The following ACSL1 variants were observed in gnomAD, a reference collection of about 807,000 sequenced individuals.
The protein encoded by ACSL1 is long-chain-fatty-acid--CoA ligase 1.
A neutral mutation model predicts 98.4 loss-of-function variants in ACSL1; 41 were observed. The ratio of observed to expected loss-of-function variants is 0.42; its 90% CI spans 0.32 to 0.54. The LOEUF is 0.54. Ranked by LOEUF, ACSL1 falls within the 20% of genes least tolerant of loss-of-function variation. The pLI is 0.13. For missense variants in ACSL1, 734 were observed against 883.1 expected (o/e 0.83, Z 2.14); for synonymous variants, 316 against 322.7 (o/e 0.98, Z 0.22).
chr4:184,759,671 A>C (rs571449743), intron 18 of ACSL1, among the ~76,000 whole-genome samples: 1 of 152,138 alleles, frequency 6.6e-6, no homozygotes, highest in Non-Finnish European at 1.5e-5. Flanking sequence ...AATCATTAAA[A>C]AGTCAGGAAA....
chr4:184,773,540 A>T lies in ACSL1; in HGVS notation c.841+123T>A. ...AGAGCAACAAGAAGACAGCACTTGAACCGCTTCCTTCTCTTCTGCTTTTGG... is the reference window on the plus strand; with the variant it reads ...AGAGCAACAAGAAGACAGCACTTGATCCGCTTCCTTCTCTTCTGCTTTTGG... On this transcript the variant is annotated intron_variant, in intron 9 of 20. Transcript: ENST00000281455. The surrounding 1 kb of genome is among the most constrained non-coding windows in gnomAD (Gnocchi z 4.3). The T allele has an allele frequency of 1.1e-6, 1 of 902,746 alleles. No individual in the cohort carries two copies. The highest frequency in any genetic ancestry group is 1.7e-6 in the Non-Finnish European group (1 of 592,126). 55.9% of individuals were successfully genotyped at this position (902,746 alleles called of 1,614,324 possible). A position where few individuals can be genotyped will look rare whatever the true frequency, so the allele number is the denominator to read the frequency against.
At chr4:184,811,405 C>CCAGTCATGCGTCTCAATTGTTCT (rs1772102865) in intron 1 of ACSL1, among the ~76,000 whole-genome samples, 3 of 152,114 alleles carry the variant, frequency 2.0e-5, no homozygotes, top group Non-Finnish European at 4.4e-5. Flanking sequence ...AGCCACCGCG[C>CCAGTCATGCGTCTCAATTGTTCT]CCAGCTGCAC....
intron 1 of ACSL1, among the ~76,000 whole-genome samples, chr4:184,805,987 C>A (rs555740097): frequency 2.0e-5 from 3 of 152,172 alleles, no homozygotes; most frequent in African/African-American, 7.2e-5. Flanking sequence ...AAGAAAGAAA[C>A]AGATTGCCCA....
rs886709015 is a variant in ACSL1, at chr4:184,803,589, G to C, written c.-32-43C>G. 2.2e-6 allele frequency: 3 copies of C among 1,341,164 alleles called. No individual in the cohort carries two copies. The African/African-American group carries it at 4.5e-5, about 20-fold the overall frequency. The allele number at this position is 1,341,164 out of a possible 1,614,324, so 83.1% of individuals were successfully genotyped here. A position where few individuals can be genotyped will look rare whatever the true frequency, so the allele number is the denominator to read the frequency against. The stretch of plus-strand genomic sequence containing the variant: ...TGTCACGTTCGTTCCAGGGAAGCAG[G>C]ACCCCTCTCCAGAACTCCAAAATTC... On this transcript the variant is annotated intron_variant, in intron 1 of 20. Coordinates refer to ENST00000281455, the MANE Select transcript of ACSL1 (RefSeq NM_001995.5). The surrounding 1 kb of genome is among the most constrained non-coding windows in gnomAD (Gnocchi z 4.8).
intron 7 of ACSL1, among the ~76,000 whole-genome samples, chr4:184,774,728 A>G (rs1169682517): frequency 6.6e-6 from 1 of 152,176 alleles, no homozygotes; most frequent in Non-Finnish European, 1.5e-5. Context: ...GCCATTGAAC[A>G]TGTTCAATTC....
chr4:184,815,100 T>TA (rs1561248226), intron 1 of ACSL1: 1 of 456,100 alleles, frequency 2.2e-6, no homozygotes, highest in East Asian at 6.9e-5. Context: ...CCACGGCAGG[T>TA]AGGGCCCTGG....
chr4:184,820,516 G>A (rs1772983078), intron 1 of ACSL1, among the ~76,000 whole-genome samples: 1 of 152,226 alleles, frequency 6.6e-6, no homozygotes, highest in Non-Finnish European at 1.5e-5. Context: ...GAGTGTAAAT[G>A]AGATGGGGGT....
intron 1 of ACSL1, among the ~76,000 whole-genome samples, chr4:184,819,558 A>C (rs1185990301): frequency 6.6e-6 from 1 of 152,112 alleles, no homozygotes; most frequent in Non-Finnish European, 1.5e-5. Context: ...GGACACAGGA[A>C]GGTCAGTCAG....
chr4:184,825,506 G>C lies in ACSL1; in HGVS notation c.-33+410C>G, dbSNP rs573004342. Among the ~76,000 whole-genome samples, 3 of 151,938 alleles carry C rather than the reference G, an allele frequency of 2.0e-5. No individual in the cohort carries two copies. The East Asian group carries it at 5.8e-4, about 30-fold the overall frequency. On this transcript the variant is annotated intron_variant, in intron 1 of 20. Coordinates refer to ENST00000281455, the MANE Select transcript of ACSL1 (RefSeq NM_001995.5). The surrounding 1 kb of genome is among the most constrained non-coding windows in gnomAD (Gnocchi z 4.7). ...GCGAGCCCGGCCTCTGGGCAGGCGG[G>C]GGCCGCGGACGAGGGCAACGTCAGC...
At chr4:184,775,180 G>A (rs888535551) in intron 7 of ACSL1, among the ~76,000 whole-genome samples, 6 of 152,032 alleles carry the variant, frequency 3.9e-5, no homozygotes, top group Non-Finnish European at 7.4e-5. Flanking sequence ...ATGGAGTCTC[G>A]CTCTGTCACC....
chr4:184,776,967 T>C lies in ACSL1; in HGVS notation c.494A>G (p.Gln165Arg). The change falls in exon 6 of 21, where the codon CAA becomes CGA. Residue 165 changes from glutamine to arginine, a missense_variant. Gln to Arg is a conservative substitution (Grantham distance 43). Transcript: ENST00000281455. ...QNRPEWVIIE[Q>R]GCFAYSMVIV... ...CACCATCGAATAAGCAAAGCATCCT[T>C]GTTCAATAATCACCCACTAAACAAA... 2 of 1,614,140 alleles carry C rather than the reference T, an allele frequency of 1.2e-6. No homozygotes were observed. The highest frequency in any genetic ancestry group is 1.7e-6 in the Non-Finnish European group (2 of 1,180,000).
At chr4:184,794,434 G>A (rs1347012813) in intron 2 of ACSL1, among the ~76,000 whole-genome samples, 1 of 152,138 alleles carries the variant, frequency 6.6e-6, no homozygotes, top group Non-Finnish European at 1.5e-5. Flanking sequence ...TAACAATGAG[G>A]CCTCACGCTC....
At position 184,822,949 on chromosome 4, in the gene ACSL1, T is replaced by C. The variant is rs60891937; in HGVS notation, c.-33+2967A>G. Among the ~76,000 whole-genome samples the C allele has an allele frequency of 5.6e-3, 859 of 152,276 alleles. 8 individuals carry two copies. The highest frequency in any genetic ancestry group is 0.019 in the African/African-American group (810 of 41,548). On this transcript the variant is annotated intron_variant, in intron 1 of 20. Coordinates refer to ENST00000281455, the MANE Select transcript of ACSL1 (RefSeq NM_001995.5). The stretch of plus-strand genomic sequence containing the variant: ...AACCCTGGTAAAACTGCCCCTGCCT[T>C]CTCCAGTTCACTAAGTTCAGCTACT...
intron 3 of ACSL1, among the ~76,000 whole-genome samples, chr4:184,785,235 G>A (rs781292758): frequency 5.3e-5 from 8 of 152,148 alleles, no homozygotes; most frequent in Non-Finnish European, 7.4e-5. Context: ...AGAACTAGCC[G>A]TTAAGCTGCA....
chr4:184,813,766 A>G, intron 1 of ACSL1: 1 of 440,646 alleles, frequency 2.3e-6, no homozygotes, highest in South Asian at 1.6e-5. Flanking sequence ...CCAGGAGAAG[A>G]GAGCACAACT....
chr4:184,759,953 C>T (rs1373049721), intron 18 of ACSL1, among the ~76,000 whole-genome samples: 1 of 152,222 alleles, frequency 6.6e-6, no homozygotes, highest in Non-Finnish European at 1.5e-5. Context: ...TCTTGGTTCA[C>T]AACCACCGTT....
chr4:184,819,292 G>A (rs1447950581), intron 1 of ACSL1, among the ~76,000 whole-genome samples: 3 of 151,856 alleles, frequency 2.0e-5, no homozygotes, highest in Non-Finnish European at 4.4e-5. Flanking sequence ...ACAGGCGCCT[G>A]CCACCACACC....
Position 184,757,078 on chromosome 4 carries a change from A to G in ACSL1, c.*47T>C, listed in dbSNP as rs1465934277. 3 of 1,519,610 alleles carry G rather than the reference A, an allele frequency of 2.0e-6. No homozygotes were observed. In the South Asian group the frequency reaches 3.8e-5, roughly 19 times the overall value. 94.1% of individuals were successfully genotyped at this position (1,519,610 alleles called of 1,614,324 possible). ...ACAACATGAAGGCCATCAGCAGGAG[A>G]AGAGATTGTGGAACTGTGCCATTTC... is the stretch of plus-strand genomic sequence containing the variant. On this transcript the variant is annotated 3_prime_UTR_variant, in exon 21 of 21. Coordinates refer to ENST00000281455, the MANE Select transcript of ACSL1 (RefSeq NM_001995.5). This position sits in a 1 kb window ranked among gnomAD's most constrained non-coding sequence, Gnocchi z 4.5.
At chr4:184,811,420 C>T (rs1365562408) in intron 1 of ACSL1, among the ~76,000 whole-genome samples, 2 of 151,434 alleles carry the variant, frequency 1.3e-5, no homozygotes, top group African/African-American at 4.8e-5. Flanking sequence ...CTGCACAATG[C>T]TTTAAGAGCC....
Sources: gnomAD v4.1 joint callset for allele counts (sites outside exome capture counted in the v4.1 genomes callset) on GRCh38, gnomAD v4.1.1 for gene constraint, Gnocchi (gnomAD v3.1) non-coding constraint, MANE v1.5 for transcripts, NCBI Gene and HGNC (gene_info 2026-07-23, HGNC 2026-07-21) for gene names.